The following STIM1 variants were observed in gnomAD, a reference collection of about 807,000 sequenced individuals.
STIM1 encodes the protein stromal interaction molecule 1.
Under a neutral mutation model 74.7 loss-of-function variants are expected in STIM1, and 25 were observed. The ratio of observed to expected loss-of-function variants is 0.33; its 90% CI spans 0.24 to 0.47. The LOEUF (loss-of-function observed/expected upper bound fraction) is 0.47. Among genes scored for constraint, STIM1 ranks in the 20% least tolerant of loss-of-function variants. The pLI is 1.00. For missense variants in STIM1, 728 were observed against 920.8 expected (o/e 0.79, Z 2.71); for synonymous variants, 328 against 348.8 (o/e 0.94, Z 0.66).
chr11:3,895,690 C>CTTTCT (rs1565104999), intron 1 of STIM1, among the ~76,000 whole-genome samples: 1 of 29,886 alleles, frequency 3.3e-5, no homozygotes, highest in South Asian at 1.2e-3. Context: ...TTCCTTCTTT[C>CTTTCT]TTTCTTTCTT....
chr11:3,884,257 C>CTATAAA (rs1163746947), intron 1 of STIM1, among the ~76,000 whole-genome samples: 6 of 152,112 alleles, frequency 3.9e-5, no homozygotes, highest in Admixed American at 1.3e-4. Context: ...AAAATGGGTA[C>CTATAAA]AAGAGTCCCT....
chr11:4,071,313 G>A (rs1365677825), intron 6 of STIM1, among the ~76,000 whole-genome samples: 1 of 151,930 alleles, frequency 6.6e-6, no homozygotes. Context: ...TCATGTAAAA[G>A]GAAATGAAGT....
chr11:4,042,508 C>T (rs2094155999), intron 3 of STIM1, among the ~76,000 whole-genome samples: 1 of 152,168 alleles, frequency 6.6e-6, no homozygotes, highest in Admixed American at 6.5e-5. Flanking sequence ...TGTATCTTTA[C>T]TCCTAGAGTG....
chr11:3,943,744 CA>C (rs925355357), intron 1 of STIM1, among the ~76,000 whole-genome samples: 1 of 152,112 alleles, frequency 6.6e-6, no homozygotes, highest in Non-Finnish European at 1.5e-5. Flanking sequence ...CTGCAAAACA[CA>C]AAAACCAACC....
At chr11:3,969,816 A>T (rs559342846) in intron 2 of STIM1, among the ~76,000 whole-genome samples, 17 of 152,352 alleles carry the variant, frequency 1.1e-4, no homozygotes, top group East Asian at 5.8e-4. Flanking sequence ...AGGCAACTGT[A>T]GGTTCTTGAG....
chr11:4,076,004 A>T (rs1395365669), intron 7 of STIM1, among the ~76,000 whole-genome samples: 1 of 151,716 alleles, frequency 6.6e-6, no homozygotes, highest in Non-Finnish European at 1.5e-5. Context: ...TAAAAATTGG[A>T]TTGTCTGTCT....
At chr11:4,019,895 C>G (rs1426891353) in intron 2 of STIM1, among the ~76,000 whole-genome samples, 2 of 152,120 alleles carry the variant, frequency 1.3e-5, no homozygotes, top group African/African-American at 4.8e-5. Context: ...AACTTATAAA[C>G]TTACCCTCCC....
chr11:4,030,338 A>T (rs1565154111), intron 3 of STIM1, among the ~76,000 whole-genome samples: 2 of 151,550 alleles, frequency 1.3e-5, no homozygotes, highest in Admixed American at 6.6e-5. Flanking sequence ...AAAAAAAAAA[A>T]AAAAGAAAGA....
chr11:4,038,846 C>A (rs2094125040), intron 3 of STIM1, among the ~76,000 whole-genome samples: 1 of 152,124 alleles, frequency 6.6e-6, no homozygotes. Flanking sequence ...AGAGTTTTCC[C>A]ATTTTTCTCT....
rs895648676 is a variant in STIM1 at position 3,902,400 on chromosome 11, C to T, written c.139+45991C>T. ...CCCCAATCTTTTTGGCACCAGGGAT[C>T]GGTTTCATGCAAGATAATTTTTCCA... On this transcript the variant is annotated intron_variant, in intron 1 of 12. Coordinates refer to ENST00000526596, the MANE Select transcript of STIM1 (RefSeq NM_001382567.1). Among the ~76,000 whole-genome samples, 13 of 152,220 alleles carry T rather than the reference C, an allele frequency of 8.5e-5. 1 individual carries two copies. Among genetic ancestry groups the T allele is most frequent in the African/African-American group, 2.6e-4 (11 of 41,538 alleles).
Position 4,052,112 on chromosome 11 carries a change from C to G in STIM1, c.386-3414C>G, listed in dbSNP as rs991855745. 5.9e-5 allele frequency among the ~76,000 whole-genome samples: 9 copies of G among 152,046 alleles called. No homozygotes were observed. The East Asian group carries it at 1.7e-3, about 29-fold the overall frequency. On this transcript the variant is annotated intron_variant, in intron 3 of 12. Coordinates refer to ENST00000526596, the MANE Select transcript of STIM1 (RefSeq NM_001382567.1). Reference sequence around the variant, plus strand: ...CTGCTCAATGAGATAAAAGAGGACACAAACAAATGGAAGAACATTCCATGC... The same window carrying G: ...CTGCTCAATGAGATAAAAGAGGACAGAAACAAATGGAAGAACATTCCATGC...
At chr11:3,937,818 A>G (rs1021301501) in intron 1 of STIM1, among the ~76,000 whole-genome samples, 2 of 152,124 alleles carry the variant, frequency 1.3e-5, no homozygotes, top group Non-Finnish European at 2.9e-5. Context: ...ACCTTCTCTC[A>G]TGATCACTTT....
At chr11:3,908,939 C>G (rs562600330) in intron 1 of STIM1, among the ~76,000 whole-genome samples, 1 of 152,192 alleles carries the variant, frequency 6.6e-6, no homozygotes, top group East Asian at 1.9e-4. Context: ...ACCATTTGAC[C>G]CATATTTGGC....
intron 2 of STIM1, among the ~76,000 whole-genome samples, chr11:3,972,675 C>T (rs893580772): frequency 2.6e-5 from 4 of 151,968 alleles, no homozygotes; most frequent in African/African-American, 9.7e-5. Context: ...TTGTCTAAAA[C>T]ATGTCTTCTT....
chr11:4,073,048 G>GGTT (rs2094414109), intron 6 of STIM1, among the ~76,000 whole-genome samples: 3 of 82,802 alleles, frequency 3.6e-5, no homozygotes, highest in South Asian at 1.1e-3. Flanking sequence ...GGACTTAGAG[G>GGTT]TTTTTTTTTT....
intron 1 of STIM1, chr11:3,947,306 C>T (rs574768257): frequency 2.6e-5 from 4 of 152,220 alleles, no homozygotes; most frequent in Admixed American, 2.6e-4. Context: ...GTAGTTTTCT[C>T]TTCATAGCCT....
chr11:4,082,445 C>T lies in STIM1; in HGVS notation c.1137+94C>T, dbSNP rs1387558792. On this transcript the variant is annotated intron_variant, in intron 8 of 12. Transcript: ENST00000526596. ...CTCTTCTCTCCCTCTCCCTGTTCCTCCCATTGGGTGAAGAGATATCCTGGT... is the reference window on the plus strand; with the variant it reads ...CTCTTCTCTCCCTCTCCCTGTTCCTTCCATTGGGTGAAGAGATATCCTGGT... 5.2e-5 allele frequency: 68 copies of T among 1,305,156 alleles called. No individual in the cohort carries two copies. The Middle Eastern group carries it at 1.3e-3, about 24-fold the overall frequency. The allele number at this position is 1,305,156 out of a possible 1,614,324, so 80.8% of individuals were successfully genotyped here.
At chr11:3,883,245 A>C (rs1486563143) in intron 1 of STIM1, among the ~76,000 whole-genome samples, 2 of 152,104 alleles carry the variant, frequency 1.3e-5, no homozygotes, top group East Asian at 3.8e-4. Flanking sequence ...GACTCAGCTC[A>C]AATGTCACTT....
chr11:4,017,734 T>C (rs1810967064), intron 2 of STIM1, among the ~76,000 whole-genome samples: 1 of 152,142 alleles, frequency 6.6e-6, no homozygotes, highest in African/African-American at 2.4e-5. Context: ...TAATCAAACC[T>C]AAAAAATCAT....
Sources: allele counts gnomAD v4.1 joint callset (sites outside exome capture counted in the v4.1 genomes callset), GRCh38; gene constraint gnomAD v4.1.1; transcripts MANE v1.5; gene names NCBI Gene and HGNC (gene_info 2026-07-23, HGNC 2026-07-21).